The following HIBCH variants were observed in gnomAD, a reference collection of about 807,000 sequenced individuals.
HIBCH encodes 3-hydroxyisobutyryl-CoA hydrolase, also known as 3-hydroxyisobutyryl-CoA hydrolase, mitochondrial.
A neutral mutation model predicts 58.2 loss-of-function variants in HIBCH; 50 were observed. The observed-to-expected ratio is 0.86, with a 90% CI of 0.68 to 1.09. The LOEUF (loss-of-function observed/expected upper bound fraction) is 1.09. Among genes scored for constraint, HIBCH ranks in the 50% least tolerant of loss-of-function variants. The pLI is 0.00. For missense variants in HIBCH, 450 were observed against 449.7 expected (o/e 1.00, Z -0.01); for synonymous variants, 151 against 146.9 (o/e 1.03, Z -0.20).
rs1687697561 is a variant in HIBCH, at chr2:190,281,283, A to G, written c.438+6303T>C. 6.6e-6 allele frequency among the ~76,000 whole-genome samples: 1 copy of G among 152,196 alleles called. No individual in the cohort carries two copies. The highest frequency in any genetic ancestry group is 6.5e-5 in the Admixed American group (1 of 15,278). On this transcript the variant is annotated intron_variant, in intron 6 of 13. Transcript: ENST00000359678. The surrounding 1 kb of genome is among the most constrained non-coding windows in gnomAD (Gnocchi z 5.4). Reference sequence around the variant, plus strand: ...CTAGCTCTGCTTTCTGACAGCCTGCAGAATTAGCACCACATGGATGCCACC... The same window carrying G: ...CTAGCTCTGCTTTCTGACAGCCTGCGGAATTAGCACCACATGGATGCCACC...
chr2:190,200,198 T>C (rs1226427028), downstream of HIBCH: 5 of 1,537,184 alleles, frequency 3.3e-6, no homozygotes, highest in East Asian at 6.8e-5. Flanking sequence ...TTTGAATAAA[T>C]GTGACAAAAG....
chr2:190,190,320 TC>T (rs1246850495), intron 1 of HIBCH, among the ~76,000 whole-genome samples: 1 of 152,210 alleles, frequency 6.6e-6, no homozygotes, highest in Admixed American at 6.5e-5. Flanking sequence ...ATATGATCCA[TC>T]TTTTTTATCT....
intron 4 of HIBCH, among the ~76,000 whole-genome samples, chr2:190,291,149 T>C (rs936448089): frequency 6.6e-6 from 1 of 152,254 alleles, no homozygotes; most frequent in Non-Finnish European, 1.5e-5. Context: ...CGTGTGTGTA[T>C]AGTGCTACAA....
intron 2 of HIBCH, among the ~76,000 whole-genome samples, chr2:190,305,066 AAAT>A (rs1176203681): frequency 6.6e-6 from 1 of 152,228 alleles, no homozygotes; most frequent in Non-Finnish European, 1.5e-5. Context: ...TATATTTAAA[AAAT>A]AATATGCTAG....
At chr2:190,240,760 G>A (rs549668843) in intron 11 of HIBCH, among the ~76,000 whole-genome samples, 10 of 152,286 alleles carry the variant, frequency 6.6e-5, no homozygotes, top group African/African-American at 2.4e-4. Flanking sequence ...TCAGGAGCAA[G>A]TTGTTCACTT....
At chr2:190,244,106 T>A (rs1055585059) in intron 11 of HIBCH, among the ~76,000 whole-genome samples, 1 of 151,858 alleles carries the variant, frequency 6.6e-6, no homozygotes, top group Non-Finnish European at 1.5e-5. Context: ...ATAGAAAACA[T>A]TATGGAATCA....
At chr2:190,302,557 GAAC>G (rs1688291502) in intron 2 of HIBCH, among the ~76,000 whole-genome samples, 1 of 152,166 alleles carries the variant, frequency 6.6e-6, no homozygotes, top group Non-Finnish European at 1.5e-5. Context: ...CAAAAAGAAG[GAAC>G]AACAGTCAGG....
At position 190,288,415 on chromosome 2, in the gene HIBCH, A is replaced by G. The variant is rs559214779; in HGVS notation, c.386-777T>C. ...ATTTGGAAACAAAGTAATGATGCAT[A>G]AACACTATGATCTATCCATTCTACA... On this transcript the variant is annotated intron_variant, in intron 5 of 13. Coordinates refer to ENST00000359678, the MANE Select transcript of HIBCH (RefSeq NM_014362.4). Among the ~76,000 whole-genome samples the G allele has an allele frequency of 2.0e-5, 3 of 151,380 alleles. No homozygotes were observed. The South Asian group carries it at 6.3e-4, about 32-fold the overall frequency.
intron 11 of HIBCH, among the ~76,000 whole-genome samples, chr2:190,237,656 G>C (rs531052840): frequency 6.6e-6 from 1 of 152,118 alleles, no homozygotes; most frequent in East Asian, 1.9e-4. Flanking sequence ...GTAAGTTCTA[G>C]GTGCCCCACA....
At position 190,277,608 on chromosome 2, in the gene HIBCH, A is replaced by C. The variant is rs2105971560; in HGVS notation, c.438+9978T>G. Among the ~76,000 whole-genome samples, 2 of 152,326 alleles carry C rather than the reference A, an allele frequency of 1.3e-5. 1 individual carries two copies. The highest frequency in any genetic ancestry group is 4.1e-4 in the South Asian group (2 of 4,828). On this transcript the variant is annotated intron_variant, in intron 6 of 13. Coordinates refer to ENST00000359678, the MANE Select transcript of HIBCH (RefSeq NM_014362.4). ...CATTGAACTGAGACTGTCTCTCTGC[A>C]CTTTGAGTTCCTTCATAATAAATTG...
intron 1 of HIBCH, among the ~76,000 whole-genome samples, chr2:190,196,537 C>G (rs1347042855): frequency 9.7e-6 from 1 of 102,860 alleles, no homozygotes; most frequent in Non-Finnish European, 2.1e-5. Flanking sequence ...TTTTTTTTTT[C>G]CCTTGATTAT....
At chr2:190,296,462 G>A (rs1241563303) in intron 3 of HIBCH, among the ~76,000 whole-genome samples, 4 of 150,148 alleles carry the variant, frequency 2.7e-5, no homozygotes, top group Non-Finnish European at 4.4e-5. Context: ...TGAAAAGGCC[G>A]TCAGGTGGAA....
intron 11 of HIBCH, among the ~76,000 whole-genome samples, chr2:190,228,362 G>A (rs1325409177): frequency 1.4e-5 from 2 of 144,962 alleles, no homozygotes; most frequent in Non-Finnish European, 3.0e-5. Flanking sequence ...GAGAACATTT[G>A]GACACAGAGC....
intron 6 of HIBCH, among the ~76,000 whole-genome samples, chr2:190,265,150 A>C (rs1421175024): frequency 6.8e-6 from 1 of 147,220 alleles, no homozygotes; most frequent in Middle Eastern, 3.5e-3. Flanking sequence ...AAAAAAAAAA[A>C]GTATTGACTC....
chr2:190,251,158 T>G (rs1005983080), intron 8 of HIBCH, among the ~76,000 whole-genome samples: 1 of 152,164 alleles, frequency 6.6e-6, no homozygotes, highest in Admixed American at 6.5e-5. Flanking sequence ...ATAGTTAAAT[T>G]TTGAGTGTTT....
At chr2:190,194,921 A>G (rs1163277108) in intron 1 of HIBCH, among the ~76,000 whole-genome samples, 1 of 152,116 alleles carries the variant, frequency 6.6e-6, no homozygotes, top group African/African-American at 2.4e-5. Context: ...GGTGCAATCA[A>G]TCTTAACTTA....
chr2:190,225,133 A>C (rs988458498), intron 11 of HIBCH, among the ~76,000 whole-genome samples: 6 of 152,234 alleles, frequency 3.9e-5, no homozygotes, highest in Admixed American at 6.5e-5. Context: ...TGTAGAGGGA[A>C]ATTTATAGAA....
intron 7 of HIBCH, among the ~76,000 whole-genome samples, chr2:190,253,764 C>T (rs899407270): frequency 6.6e-6 from 1 of 152,146 alleles, no homozygotes; most frequent in Non-Finnish European, 1.5e-5. Flanking sequence ...GGCCCCTTAC[C>T]ACTTTTTCCA....
At chr2:190,280,835 A>G (rs748033909) in intron 6 of HIBCH, 4 of 152,166 alleles carry the variant, frequency 2.6e-5, no homozygotes, top group African/African-American at 7.2e-5. Flanking sequence ...GAATCTCTCA[A>G]GTTGCTTGCT....
Sources: allele counts gnomAD v4.1 joint callset (sites outside exome capture counted in the v4.1 genomes callset), GRCh38; gene constraint gnomAD v4.1.1; non-coding constraint Gnocchi (gnomAD v3.1); transcripts MANE v1.5; gene names NCBI Gene and HGNC (gene_info 2026-07-23, HGNC 2026-07-21).